Variants in NF1 observed in about 807,000 individuals in gnomAD.
NF1 encodes the protein neurofibromin.
NF1 carries 122 observed loss-of-function variants against 325.7 expected under a neutral mutation model. The ratio of observed to expected loss-of-function variants is 0.37; its 90% CI spans 0.32 to 0.44. The LOEUF (loss-of-function observed/expected upper bound fraction) is 0.44. NF1 is among the 20% of genes least tolerant of loss of function. The pLI, the probability that NF1 is intolerant of heterozygous loss-of-function variation, is 1.00. For missense variants in NF1, 2,140 were observed against 3,415.4 expected (o/e 0.63, Z 9.31); for synonymous variants, 1,091 against 1,186.0 (o/e 0.92, Z 1.65).
At chr17:31,302,472 CAA>C (rs1489580393) in intron 36 of NF1, among the ~76,000 whole-genome samples, 1 of 152,096 alleles carries the variant, frequency 6.6e-6, no homozygotes, top group African/African-American at 2.4e-5. Context: ...TTTACCATAA[CAA>C]AAATTCGTAA....
Position 31,206,345 on chromosome 17 carries a change from GCA to G in NF1, c.1370_1371del (p.His457ProfsTer12). The G allele has an allele frequency of 6.2e-7, 1 of 1,613,804 alleles. No homozygotes were observed. The highest frequency in any genetic ancestry group is 8.5e-7 in the Non-Finnish European group (1 of 1,179,740). ...TCATAAAGCAGTGCAAGGTTGTGGA[GCA>G]CACCCAGCAATACGAATGGCACCGG... ...TLHKAVQGCG[A>X]HPAIRMAPSL... On this transcript the variant is annotated frameshift_variant, in exon 12 of 58. Coordinates refer to ENST00000358273, the MANE Select transcript of NF1 (RefSeq NM_001042492.3). LOFTEE classifies it high-confidence loss of function.
Position 31,180,800 on chromosome 17 carries a change from C to A in NF1, c.587-622C>A, listed in dbSNP as rs189695292. Among the ~76,000 whole-genome samples, 407 of 152,306 alleles carry A rather than the reference C, an allele frequency of 2.7e-3. 2 individuals are homozygous for A. Among genetic ancestry groups the A allele is most frequent in the Non-Finnish European group, 3.4e-3 (230 of 68,024 alleles). On this transcript the variant is annotated intron_variant, in intron 5 of 57. Coordinates refer to ENST00000358273, the MANE Select transcript of NF1 (RefSeq NM_001042492.3). ...GTATTCGGTTAGGAAAAGAGAAAGT[C>A]AAATTGCCTCTGTTTGCAGATGACA...
At chr17:31,235,096 A>G (rs2067177787) in intron 27 of NF1, among the ~76,000 whole-genome samples, 3 of 152,216 alleles carry the variant, frequency 2.0e-5, no homozygotes, top group Middle Eastern at 3.4e-3. Context: ...CTGAATGCCC[A>G]ATTCCTTTTC....
chr17:31,108,252 A>G (rs1913054481), intron 1 of NF1, among the ~76,000 whole-genome samples: 1 of 148,716 alleles, frequency 6.7e-6, no homozygotes. Context: ...TTCCAACATA[A>G]AAGTAGAGAG....
At chr17:31,278,981 A>G (rs958351993) in intron 36 of NF1, among the ~76,000 whole-genome samples, 2 of 152,198 alleles carry the variant, frequency 1.3e-5, no homozygotes, top group African/African-American at 2.4e-5. Flanking sequence ...GCTCATGCCT[A>G]TAATCCCAGT....
At position 31,358,495 on chromosome 17, in the gene NF1, C is replaced by T. The variant is rs876658550; in HGVS notation, c.7986C>T (p.Asp2662=). 1.9e-6 allele frequency: 3 copies of T among 1,613,674 alleles called. No homozygotes were observed. The highest frequency in any genetic ancestry group is 2.5e-6 in the Non-Finnish European group (3 of 1,179,856). ...TTTCTTTTAGGCATAATTTGTTGGA[C>T]TCTAAGATCAACACCCTGTTATCAT... ...KVFPVVHNLL[D]SKINTLLSLC... Residue 2662 remains aspartate, a synonymous_variant, in exon 55 of 58, where the codon GAC becomes GAT. Transcript: ENST00000358273.
chr17:31,151,014 G>A (rs774063837), intron 1 of NF1, among the ~76,000 whole-genome samples: 1 of 148,292 alleles, frequency 6.7e-6, no homozygotes, highest in South Asian at 2.2e-4. Flanking sequence ...CAGCCTGGGT[G>A]ACAGAGCAAG....
At chr17:31,181,894 C>T in intron 7 of NF1, 109 bp downstream of exon 7, 2 of 802,542 alleles carry the variant, frequency 2.5e-6, no homozygotes, top group Non-Finnish European at 4.2e-6. Flanking sequence ...GGTGCTTTTA[C>T]ATCTTCTATT....
chr17:31,296,425 A>G, intron 36 of NF1: 1 of 1,265,060 alleles, frequency 7.9e-7, no homozygotes, highest in Non-Finnish European at 1.2e-6. Context: ...CAAAATTTTC[A>G]ATAAACCTCG....
intron 29 of NF1, among the ~76,000 whole-genome samples, chr17:31,238,711 G>A (rs1422677055): frequency 1.3e-5 from 2 of 151,422 alleles, no homozygotes; most frequent in Admixed American, 6.6e-5. Flanking sequence ...TCCAGCCTGG[G>A]CGACAGAGCG....
chr17:31,355,254 C>G (rs1264326429), intron 51 of NF1, among the ~76,000 whole-genome samples: 2 of 152,178 alleles, frequency 1.3e-5, no homozygotes, highest in Non-Finnish European at 2.9e-5. Context: ...GTGTCCCAAT[C>G]TCATGTACTT....
At chr17:31,314,744 G>A (rs988312489) in intron 36 of NF1, among the ~76,000 whole-genome samples, 1 of 152,106 alleles carries the variant, frequency 6.6e-6, no homozygotes, top group Non-Finnish European at 1.5e-5. Flanking sequence ...CTTGGCTGTT[G>A]TGAATAGTGT....
intron 57 of NF1, among the ~76,000 whole-genome samples, chr17:31,365,803 A>G (rs1379962807): frequency 1.3e-5 from 2 of 152,184 alleles, no homozygotes; most frequent in African/African-American, 4.8e-5. Context: ...CTTGTACTAT[A>G]TAGTATTCTG....
intron 27 of NF1, among the ~76,000 whole-genome samples, chr17:31,235,211 G>A (rs2067179349): frequency 6.6e-6 from 1 of 152,132 alleles, no homozygotes; most frequent in Non-Finnish European, 1.5e-5. Context: ...GAAGAGAGTA[G>A]AACTCTTCTG....
chr17:31,231,648 A>G (rs1228801581), intron 24 of NF1, among the ~76,000 whole-genome samples: 5 of 152,230 alleles, frequency 3.3e-5, no homozygotes, highest in African/African-American at 9.6e-5. Flanking sequence ...TAAATGTTGT[A>G]TAAATATTTG....
At chr17:31,171,371 CTGAA>C (rs1435803303) in intron 5 of NF1, among the ~76,000 whole-genome samples, 4 of 152,094 alleles carry the variant, frequency 2.6e-5, no homozygotes, top group African/African-American at 9.7e-5. Context: ...AGTTGAGAAA[CTGAA>C]TGGTAAAATT....
At chr17:31,102,642 G>A in intron 1 of NF1, among the ~76,000 whole-genome samples, 1 of 151,740 alleles carries the variant, frequency 6.6e-6, no homozygotes, top group African/African-American at 2.4e-5. Context: ...GGCTGAGGCA[G>A]GAAGATCACT....
intron 12 of NF1, among the ~76,000 whole-genome samples, chr17:31,209,883 G>A (rs2905799): frequency 0.57 from 86,175 of 152,046 alleles, 26,817 homozygotes; most frequent in Middle Eastern, 0.77. Context: ...TGTGACCTCA[G>A]GTGATCCACC....
intron 1 of NF1, among the ~76,000 whole-genome samples, chr17:31,097,650 G>T (rs1177618339): frequency 6.6e-6 from 1 of 151,924 alleles, no homozygotes; most frequent in Non-Finnish European, 1.5e-5. Context: ...GCATTTTTCT[G>T]CATTCCTTAT....
Sources: allele counts gnomAD v4.1 joint callset (sites outside exome capture counted in the v4.1 genomes callset), GRCh38; gene constraint gnomAD v4.1.1; transcripts MANE v1.5; gene names NCBI Gene and HGNC (gene_info 2026-07-23, HGNC 2026-07-21).